Variants in CDC73 observed in about 807,000 individuals in gnomAD.
CDC73 encodes cell division cycle 73, also known as parafibromin.
CDC73 carries 21 observed loss-of-function variants against 83.7 expected under a neutral mutation model. The observed-to-expected ratio is 0.25, with a 90% CI of 0.18 to 0.36. The LOEUF (loss-of-function observed/expected upper bound fraction) is 0.36, where lower values mean the gene tolerates loss of function less well. CDC73 is among the 10% of genes least tolerant of loss of function. The pLI is 1.00. For missense variants in CDC73, 342 were observed against 653.3 expected (o/e 0.52, Z 5.19); for synonymous variants, 224 against 212.9 (o/e 1.05, Z -0.45).
At chr1:193,203,370 A>G (rs1677124199) in intron 10 of CDC73, among the ~76,000 whole-genome samples, 1 of 152,122 alleles carries the variant, frequency 6.6e-6, no homozygotes, top group African/African-American at 2.4e-5. Flanking sequence ...CCAATATAAC[A>G]TATTTTAGGT....
chr1:193,190,390 A>T (rs771614892), intron 10 of CDC73, among the ~76,000 whole-genome samples: 1 of 152,324 alleles, frequency 6.6e-6, no homozygotes, highest in South Asian at 2.1e-4. Context: ...TAATATTAGT[A>T]TAGGTAGTTT....
chr1:193,161,586 A>G (rs1208816259), intron 10 of CDC73, among the ~76,000 whole-genome samples: 1 of 123,122 alleles, frequency 8.1e-6, no homozygotes, highest in Non-Finnish European at 1.6e-5. Flanking sequence ...TATATAATAT[A>G]TAATAGATAA....
chr1:193,157,855 G>A (rs571113906), intron 10 of CDC73, among the ~76,000 whole-genome samples: 1 of 151,968 alleles, frequency 6.6e-6, no homozygotes, highest in South Asian at 2.1e-4. Context: ...GTGAAGTTGA[G>A]GAGGTTATTT....
intron 6 of CDC73, chr1:193,141,217 G>A (rs1263914585): frequency 1.3e-5 from 2 of 152,074 alleles, no homozygotes; most frequent in Non-Finnish European, 2.9e-5. Flanking sequence ...ATCATTTTAT[G>A]ACGTATACTT....
chr1:193,175,509 C>T (rs74550020), intron 10 of CDC73, among the ~76,000 whole-genome samples: 4 of 152,108 alleles, frequency 2.6e-5, no homozygotes, highest in East Asian at 1.9e-4. Flanking sequence ...GTTCCACATC[C>T]GTAGATTTAA....
intron 15 of CDC73, among the ~76,000 whole-genome samples, chr1:193,247,492 A>G (rs1677974399): frequency 6.6e-6 from 1 of 152,140 alleles, no homozygotes; most frequent in South Asian, 2.1e-4. Flanking sequence ...AATGAAAGGA[A>G]GAGTTGCACA....
At chr1:193,212,855 A>G (rs971567474) in intron 13 of CDC73, among the ~76,000 whole-genome samples, 3 of 152,158 alleles carry the variant, frequency 2.0e-5, no homozygotes, top group Non-Finnish European at 2.9e-5. Flanking sequence ...AGGTGGGGGC[A>G]TAGTTATTTA....
At chr1:193,178,013 A>C (rs1254038626) in intron 10 of CDC73, among the ~76,000 whole-genome samples, 3 of 152,198 alleles carry the variant, frequency 2.0e-5, no homozygotes, top group South Asian at 2.1e-4. Flanking sequence ...CTGTCATTTA[A>C]AATTATATTT....
At chr1:193,180,673 T>C (rs377419023) in intron 10 of CDC73, 2 of 1,614,020 alleles carry the variant, frequency 1.2e-6, no homozygotes, top group Non-Finnish European at 1.7e-6. Flanking sequence ...TGGTGGCATG[T>C]ACCACTTGCT....
intron 3 of CDC73, among the ~76,000 whole-genome samples, chr1:193,134,626 G>A (rs1005476003): frequency 1.3e-5 from 2 of 152,020 alleles, no homozygotes; most frequent in Non-Finnish European, 2.9e-5. Flanking sequence ...AGCCAGGATC[G>A]CCACTGCACT....
rs575826998 is a variant in CDC73, at chr1:193,148,730, C to T, written c.828+765C>T. On this transcript the variant is annotated intron_variant, in intron 8 of 16. Transcript: ENST00000367435. The stretch of plus-strand genomic sequence containing the variant: ...CACGATCTTGGCTCACTGCAACCTC[C>T]GCCTCCTGGGTTCAAGCGATTCTTC... Among the ~76,000 whole-genome samples the T allele has an allele frequency of 4.6e-4, 69 of 148,904 alleles. No homozygotes were observed. In the East Asian group the frequency reaches 5.9e-3, roughly 13 times the overall value.
In CDC73 at chr1:193,151,573, A is replaced by G. The variant is rs1374864673; in HGVS notation, c.908-807A>G. Among the ~76,000 whole-genome samples the G allele has an allele frequency of 3.3e-5, 5 of 152,338 alleles. No homozygotes were observed. In the East Asian group the frequency reaches 5.8e-4, roughly 18 times the overall value. On this transcript the variant is annotated intron_variant, in intron 9 of 16. Coordinates refer to ENST00000367435, the MANE Select transcript of CDC73 (RefSeq NM_024529.5). ...AAAATATTTGCCTTTACAGAAAGGC[A>G]TATTGGGATTCTGTCCTGGCACTCC...
chr1:193,191,671 G>A (rs1045530641), intron 10 of CDC73, among the ~76,000 whole-genome samples: 1 of 152,124 alleles, frequency 6.6e-6, no homozygotes, highest in African/African-American at 2.4e-5. Context: ...ATAGGCCTGA[G>A]CCACCACACC....
rs1675460456 is a variant in CDC73 at position 193,122,169 on chromosome 1, GC to G, written c.-28del. The G allele has an allele frequency of 6.2e-7, 1 of 1,608,008 alleles. No homozygotes were observed. Among genetic ancestry groups the G allele is most frequent in the Non-Finnish European group, 8.5e-7 (1 of 1,175,502 alleles). On this transcript the variant is annotated 5_prime_UTR_variant, in exon 1 of 17. Transcript: ENST00000367435. ...AGGCAGGCGCGGCGGCAGCGGCGGC[GC>G]CCCGAGCCGGCGGAGGCGAGGGGGG...
chr1:193,151,045 T>G (rs1413108613), intron 9 of CDC73, among the ~76,000 whole-genome samples: 1 of 152,228 alleles, frequency 6.6e-6, no homozygotes, highest in Non-Finnish European at 1.5e-5. Flanking sequence ...TGGGAGGACT[T>G]ACTTTGTGAT....
At chr1:193,234,175 TCACACACACACACACACACACACACA>T (rs71111461) in intron 14 of CDC73, among the ~76,000 whole-genome samples, 2 of 101,406 alleles carry the variant, frequency 2.0e-5, no homozygotes, top group Admixed American at 1.3e-4. Flanking sequence ...TCTCTCTCTC[TCACACACACACACACACACACACACA>T]CACACACACA....
At chr1:193,242,109 T>TG (rs1677872548) in intron 15 of CDC73, among the ~76,000 whole-genome samples, 1 of 152,140 alleles carries the variant, frequency 6.6e-6, no homozygotes, top group Admixed American at 6.5e-5. Context: ...TTGCAGGGGT[T>TG]GGGGGGCTGT....
intron 13 of CDC73, among the ~76,000 whole-genome samples, chr1:193,221,464 A>G (rs1266202339): frequency 2.0e-5 from 3 of 151,964 alleles, no homozygotes; most frequent in Non-Finnish European, 2.9e-5. Context: ...GTGTTATCCA[A>G]TCTCACAAAT....
rs1558326136 is a variant in CDC73, at chr1:193,249,795, A to G, written c.1483A>G (p.Thr495Ala). Residue 495 changes from threonine (T) to alanine (A), a missense_variant, in exon 16 of 17, where the codon ACA becomes GCA. Coordinates refer to ENST00000367435, the MANE Select transcript of CDC73 (RefSeq NM_024529.5). The stretch of plus-strand genomic sequence containing the variant: ...TCCAAATGTTCAGAAATGGGATGTA[A>G]CAGTATTAGAACTCAGCTATCACAA... ...LDPNVQKWDV[T>A]VLELSYHKRH... 2 of 1,611,612 alleles carry G rather than the reference A, an allele frequency of 1.2e-6. No individual in the cohort carries two copies. The highest frequency in any genetic ancestry group is 2.2e-5 in the East Asian group (1 of 44,786).
Sources: allele counts gnomAD v4.1 joint callset (sites outside exome capture counted in the v4.1 genomes callset), GRCh38; gene constraint gnomAD v4.1.1; transcripts MANE v1.5; gene names NCBI Gene and HGNC (gene_info 2026-07-23, HGNC 2026-07-21).